Variants in MARCHF7 observed in about 807,000 individuals in gnomAD.
MARCHF7 encodes the protein membrane associated ring-CH-type finger 7.
In MARCHF7, 20 loss-of-function variants were observed where a neutral mutation model predicts 76.5. The observed-to-expected ratio is 0.26, with a 90% confidence interval of 0.18 to 0.38. The LOEUF (loss-of-function observed/expected upper bound fraction) is 0.38, where lower values mean the gene tolerates loss of function less well. Ranked by LOEUF, MARCHF7 falls within the 10% of genes least tolerant of loss-of-function variation. The pLI is 1.00. For synonymous variants in MARCHF7, 295 were observed against 293.0 expected, an observed-to-expected ratio of 1.01 and a Z score of -0.07; for missense variants, 797 against 812.9, an observed-to-expected ratio of 0.98 and a Z score of 0.24.
chr2:159,721,107 C>T (rs1248916940), intron 3 of MARCHF7, among the ~76,000 whole-genome samples: 1 of 151,124 alleles, frequency 6.6e-6, no homozygotes, highest in Non-Finnish European at 1.5e-5. Context: ...CTTTGTGATT[C>T]ACCCTCCTCG....
chr2:159,715,992 T>G (rs7579206), intron 3 of MARCHF7, among the ~76,000 whole-genome samples: 52,254 of 151,852 alleles, frequency 0.34, 9,146 homozygotes, highest in South Asian at 0.44. Context: ...GAGAACAGTT[T>G]GCCTTTTACA....
chr2:159,712,927 G>A (rs1700393619), intron 1 of MARCHF7, among the ~76,000 whole-genome samples: 2 of 152,136 alleles, frequency 1.3e-5, no homozygotes, highest in Non-Finnish European at 1.5e-5. Context: ...TGTGGCGGGT[G>A]ACGGGAAGAA....
rs1423507983 is a variant in MARCHF7 at position 159,770,933 on chromosome 2, C to G, written c.*3591C>G. The G allele has an allele frequency of 6.6e-6, 1 of 152,098 alleles. No individual in the cohort carries two copies. 9.4% of individuals were successfully genotyped at this position (152,098 alleles called of 1,614,324 possible). A position where few individuals can be genotyped will look rare whatever the true frequency, so the allele number is the denominator to read the frequency against. On this transcript the variant is annotated 3_prime_UTR_variant, in exon 12 of 12. Coordinates refer to ENST00000409175, the MANE Select transcript of MARCHF7 (RefSeq NM_001282805.2). ...GGTTTATTGATGGTGAGGAAAATTA[C>G]TCGTTTCAGCTTTTTCATTTTTTTA... is the stretch of plus-strand genomic sequence containing the variant.
Position 159,747,826 on chromosome 2 carries a change from C to T in MARCHF7, c.536C>T (p.Ser179Leu). 2 of 1,585,722 alleles carry T rather than the reference C, an allele frequency of 1.3e-6. No homozygotes were observed. The highest frequency in any genetic ancestry group is 1.7e-6 in the Non-Finnish European group (2 of 1,170,878). Residue 179 changes from serine to leucine, a missense_variant, in exon 7 of 12, where the codon TCA becomes TTA. Around this residue, in one of 3 missense-constraint regions of MARCHF7, gnomAD observed 643 missense variants for 631.5 expected, o/e 1.02. Coordinates refer to ENST00000409175, the MANE Select transcript of MARCHF7 (RefSeq NM_001282805.2). ...TSSYVQDRVP[S>L]YSQGARPKEN... is the part of the protein sequence containing the mutation. ...ATAGATGTTCAAGACAGAGTTCCTT[C>T]ATATTCACAAGGAGCAAGACCAAAA... is the stretch of plus-strand genomic sequence containing the variant.
chr2:159,765,588 A>G (rs1278776854), intron 11 of MARCHF7, among the ~76,000 whole-genome samples: 1 of 152,134 alleles, frequency 6.6e-6, no homozygotes, highest in Non-Finnish European at 1.5e-5. Flanking sequence ...TCTTCAGACT[A>G]TTTGGAGTGT....
At chr2:159,722,145 T>TTTTTTG (rs1701708959) in intron 3 of MARCHF7, among the ~76,000 whole-genome samples, 1 of 152,204 alleles carries the variant, frequency 6.6e-6, no homozygotes, top group Non-Finnish European at 1.5e-5. Flanking sequence ...TCTTTTTTCT[T>TTTTTTG]TTTTTGTTTT....
chr2:159,741,225 T>A (rs957425911), intron 4 of MARCHF7, among the ~76,000 whole-genome samples: 1 of 151,990 alleles, frequency 6.6e-6, no homozygotes, highest in Non-Finnish European at 1.5e-5. Flanking sequence ...AAAAATTACC[T>A]AGCCATGATG....
intron 4 of MARCHF7, among the ~76,000 whole-genome samples, chr2:159,740,358 G>A (rs1703987046): frequency 6.6e-6 from 1 of 152,162 alleles, no homozygotes; most frequent in Non-Finnish European, 1.5e-5. Flanking sequence ...TTGTACAAAT[G>A]TATTCAATTT....
chr2:159,764,446 C>T (rs868691781), intron 10 of MARCHF7, among the ~76,000 whole-genome samples, 180 bp from the exon 11 acceptor site: 1 of 151,912 alleles, frequency 6.6e-6, no homozygotes, highest in African/African-American at 2.4e-5. Flanking sequence ...TTATATAAAA[C>T]ATTTAAAAAT....
At chr2:159,736,325 T>C (rs150369112) in intron 4 of MARCHF7, among the ~76,000 whole-genome samples, 67 of 152,348 alleles carry the variant, frequency 4.4e-4, no homozygotes, top group African/African-American at 1.4e-3. Flanking sequence ...TGAAGTGGTA[T>C]GTATCTCATT....
chr2:159,759,384 G>A, intron 9 of MARCHF7, 49 bp downstream of exon 9: 2 of 892,780 alleles, frequency 2.2e-6, no homozygotes, highest in Non-Finnish European at 3.6e-6. Context: ...ATGCTTCAAG[G>A]ACAGCTCTTG....
At chr2:159,760,220 C>T (rs983356306) in intron 9 of MARCHF7, among the ~76,000 whole-genome samples, 1 of 152,148 alleles carries the variant, frequency 6.6e-6, no homozygotes, top group Non-Finnish European at 1.5e-5. Context: ...ATGATATTTT[C>T]TGAACCACTT....
chr2:159,763,410 T>A (rs1045543933), intron 10 of MARCHF7, among the ~76,000 whole-genome samples: 5 of 152,214 alleles, frequency 3.3e-5, no homozygotes, highest in African/African-American at 9.6e-5. Flanking sequence ...AGATTACCAG[T>A]GTACTAATTT....
chr2:159,732,778 C>CA, intron 4 of MARCHF7: 1 of 908,554 alleles, frequency 1.1e-6, no homozygotes, highest in Non-Finnish European at 1.3e-6. Flanking sequence ...GCAGTACTCC[C>CA]ACCTCAGCCT....
At chr2:159,714,347 C>G (rs967742516) in intron 1 of MARCHF7, among the ~76,000 whole-genome samples, 1 of 152,206 alleles carries the variant, frequency 6.6e-6, no homozygotes, top group Non-Finnish European at 1.5e-5. Context: ...CTGCCCTCCA[C>G]AACTCACTGT....
At position 159,742,948 on chromosome 2, in the gene MARCHF7, A is replaced by AG. The variant is rs935722769; in HGVS notation, c.154-112dup. The AG allele has an allele frequency of 3.3e-4, 289 of 884,916 alleles. No individual in the cohort carries two copies. The East Asian group carries it at 4.7e-3, about 14-fold the overall frequency. 54.8% of individuals were successfully genotyped at this position (884,916 alleles called of 1,614,324 possible). On this transcript the variant is annotated intron_variant, in intron 4 of 11. Transcript: ENST00000409175. ...CAAGACTCAGTCTCAAAAAAAAAAA[A>AG]GAACTACGTGGTAGAAAAATTGATG...
In MARCHF7 at chr2:159,743,246, A is replaced by T; in HGVS notation, c.339A>T (p.Thr113=). The stretch of plus-strand genomic sequence containing the variant: ...GAAATGTTGGAAATGGTTTAAACAC[A>T]TTATCAGGTAAGAATGAGTTTCTGT... The part of the protein sequence containing the change: ...AGRNVGNGLN[T]LSDSSWRHSQ... Residue 113 remains threonine (T), a synonymous_variant, in exon 5 of 12, where the codon ACA becomes ACT. Transcript: ENST00000409175. 1.9e-6 allele frequency: 3 copies of T among 1,612,662 alleles called. No individual in the cohort carries two copies. The highest frequency in any genetic ancestry group is 2.5e-6 in the Non-Finnish European group (3 of 1,179,136).
chr2:159,723,926 C>T (rs1484598797), intron 3 of MARCHF7, among the ~76,000 whole-genome samples: 4 of 152,136 alleles, frequency 2.6e-5, no homozygotes, highest in Non-Finnish European at 5.9e-5. Context: ...AGGTCCTGCT[C>T]CAGTCCGAAT....
At position 159,756,687 on chromosome 2, in the gene MARCHF7, C is replaced by CA. The variant is rs869261420; in HGVS notation, c.1784-2512dup. On this transcript the variant is annotated intron_variant, in intron 8 of 11. Transcript: ENST00000409175. The stretch of plus-strand genomic sequence containing the variant: ...GGGTGACAAGAGTGACACTCAGTCT[C>CA]AAAAAAAAAAAAAAAAAAAAAAAAA... 2.7e-3 allele frequency among the ~76,000 whole-genome samples: 176 copies of CA among 64,240 alleles called. 16 individuals are homozygous for CA. The highest frequency in any genetic ancestry group is 5.4e-3 in the East Asian group (9 of 1,666). 42.1% of individuals were successfully genotyped at this position (64,240 alleles called of 152,430 possible).
Sources: allele counts gnomAD v4.1 joint callset (sites outside exome capture counted in the v4.1 genomes callset), GRCh38; gene constraint gnomAD v4.1.1; regional missense constraint gnomAD v4.1.1; transcripts MANE v1.5; gene names NCBI Gene and HGNC (gene_info 2026-07-23, HGNC 2026-07-21).